Variants in VAX2 observed in about 807,000 individuals in gnomAD.
VAX2 encodes ventral anterior homeobox 2.
Under a neutral mutation model 12.5 loss-of-function variants are expected in VAX2, and 8 were observed. The ratio of observed to expected loss-of-function variants is 0.64; its 90% CI spans 0.37 to 1.15. The LOEUF (loss-of-function observed/expected upper bound fraction) is 1.15, where lower values mean the gene tolerates loss of function less well. Ranked by LOEUF, VAX2 falls within the 50% of genes most tolerant of loss-of-function variation. VAX2 has a pLI of 0.01. For synonymous variants in VAX2, 183 were observed against 187.6 expected, an observed-to-expected ratio of 0.98 and a Z score of 0.20; for missense variants, 476 against 412.9, an observed-to-expected ratio of 1.15 and a Z score of -1.32.
chr2:70,929,315 C>T (rs543468477), intron 2 of VAX2, among the ~76,000 whole-genome samples: 16 of 152,364 alleles, frequency 1.1e-4, no homozygotes, highest in African/African-American at 3.8e-4. Context: ...CAGTGCCCCC[C>T]AGAGTATGGC....
Position 70,900,765 on chromosome 2 carries a change from G to A in VAX2, c.144G>A (p.Gly48=). Residue 48 remains glycine (G), a synonymous_variant, in exon 1 of 3, where the codon GGG becomes GGA. Coordinates refer to ENST00000234392, the MANE Select transcript of VAX2 (RefSeq NM_012476.3). The part of the protein sequence containing the change: ...GGGHSPTEVA[G]TSASSPAGSR... ...GCCACAGCCCAACGGAGGTGGCCGG[G>A]ACCTCAGCCTCCAGTCCCGCAGGCT... 6.7e-7 allele frequency: 1 copy of A among 1,493,434 alleles called. No homozygotes were observed. The highest frequency in any genetic ancestry group is 8.9e-7 in the Non-Finnish European group (1 of 1,121,728). The allele number at this position is 1,493,434 out of a possible 1,614,324, so 92.5% of individuals were successfully genotyped here.
At chr2:70,915,450 G>A (rs782204887) in intron 1 of VAX2, among the ~76,000 whole-genome samples, 4 of 151,054 alleles carry the variant, frequency 2.6e-5, no homozygotes, top group Non-Finnish European at 5.9e-5. Context: ...GGCTGGTCTC[G>A]AACTCCTGAC....
intron 2 of VAX2, among the ~76,000 whole-genome samples, chr2:70,929,284 T>C (rs1679638854): frequency 6.6e-6 from 1 of 152,248 alleles, no homozygotes; most frequent in Non-Finnish European, 1.5e-5. Flanking sequence ...CTTTCTGCTA[T>C]CCTGCCACCT....
intron 2 of VAX2, among the ~76,000 whole-genome samples, chr2:70,922,185 T>C (rs1553412950): frequency 6.6e-6 from 1 of 152,218 alleles, no homozygotes; most frequent in Non-Finnish European, 1.5e-5. Flanking sequence ...CAGAGACCCT[T>C]CTTTCAGCCA....
chr2:70,922,338 C>T (rs1393369679), intron 2 of VAX2, among the ~76,000 whole-genome samples: 1 of 151,898 alleles, frequency 6.6e-6, no homozygotes, highest in African/African-American at 2.4e-5. Flanking sequence ...GTGCTGGTTT[C>T]CTTCCTTGGA....
intron 1 of VAX2, among the ~76,000 whole-genome samples, chr2:70,905,765 C>T (rs1301658754): frequency 6.6e-6 from 1 of 152,186 alleles, no homozygotes; most frequent in Admixed American, 6.5e-5. Context: ...GAAGCCCGGA[C>T]AAGGAGTGGG....
At chr2:70,912,913 G>A (rs1404404589) in intron 1 of VAX2, among the ~76,000 whole-genome samples, 1 of 146,152 alleles carries the variant, frequency 6.8e-6, no homozygotes, top group African/African-American at 2.8e-5. Context: ...GAGGAGACTT[G>A]AGGGGTAGCA....
intron 2 of VAX2, among the ~76,000 whole-genome samples, chr2:70,931,471 G>A (rs781995429): frequency 4.6e-5 from 7 of 152,180 alleles, no homozygotes; most frequent in Non-Finnish European, 7.3e-5. Context: ...GTTAGAAAGA[G>A]CTCCCTCCAA....
intron 2 of VAX2, among the ~76,000 whole-genome samples, chr2:70,932,224 C>T (rs947542350): frequency 3.9e-5 from 6 of 152,070 alleles, no homozygotes; most frequent in Non-Finnish European, 8.8e-5. Flanking sequence ...GAAGAGGGAG[C>T]GTGGGAAGCC....
intron 1 of VAX2, among the ~76,000 whole-genome samples, chr2:70,920,268 T>C (rs1397968137): frequency 1.3e-5 from 2 of 152,242 alleles, no homozygotes; most frequent in African/African-American, 4.8e-5. Flanking sequence ...CATCAGTATA[T>C]GTGGGTCACA....
intron 1 of VAX2, among the ~76,000 whole-genome samples, chr2:70,910,794 AC>A (rs1679164875): frequency 1.6e-5 from 2 of 128,826 alleles, no homozygotes; most frequent in Admixed American, 7.5e-5. Context: ...AAAAAAAAAA[AC>A]AAAACAAAAC....
chr2:70,923,132 G>A lies in VAX2; in HGVS notation c.435+1847G>A, dbSNP rs192341213. ...TATTTATAGGCCATGGCTCCTCGTC[G>A]TGCTTCACAAGGAGCCCAGAACACA... On this transcript the variant is annotated intron_variant, in intron 2 of 2. Transcript: ENST00000234392. Among the ~76,000 whole-genome samples, 4 of 152,196 alleles carry A rather than the reference G, an allele frequency of 2.6e-5. No homozygotes were observed. In the East Asian group the frequency reaches 5.8e-4, roughly 22 times the overall value.
intron 2 of VAX2, among the ~76,000 whole-genome samples, chr2:70,924,563 T>C (rs1369699248): frequency 2.0e-5 from 3 of 152,086 alleles, no homozygotes; most frequent in Non-Finnish European, 4.4e-5. Flanking sequence ...AATAGATAAC[T>C]TGCTCAAGAC....
chr2:70,918,458 A>G (rs1679354979), intron 1 of VAX2, among the ~76,000 whole-genome samples: 1 of 152,196 alleles, frequency 6.6e-6, no homozygotes, highest in African/African-American at 2.4e-5. Context: ...GTGGATCACA[A>G]GGAGCCTCCT....
chr2:70,905,472 A>G (rs929468478), intron 1 of VAX2, among the ~76,000 whole-genome samples: 8 of 144,816 alleles, frequency 5.5e-5, no homozygotes, highest in African/African-American at 1.5e-4. Flanking sequence ...CCCCCCTTCC[A>G]TAACCCTTAC....
chr2:70,933,044 C>A lies in VAX2; in HGVS notation c.713C>A (p.Ser238Tyr), dbSNP rs555134830. 1.9e-6 allele frequency: 3 copies of A among 1,594,206 alleles called. No homozygotes were observed. The highest frequency in any genetic ancestry group is 1.1e-5 in the South Asian group (1 of 88,080). The stretch of plus-strand genomic sequence containing the variant: ...AACCCGCTGTCCTCGGCCTCAGCGT[C>A]CCCCCCACTGCCGCCCCCTCTGCCA... The part of the protein sequence containing the change: ...RLNPLSSASA[S>Y]PPLPPPLPAV... The change falls in exon 3 of 3, where the codon TCC (serine) becomes TAC (tyrosine). Residue 238 changes from serine (S) to tyrosine (Y), a missense_variant. Ser to Tyr is a moderately radical substitution (Grantham distance 144, BLOSUM62 -2). Coordinates refer to ENST00000234392, the MANE Select transcript of VAX2 (RefSeq NM_012476.3).
In VAX2 at chr2:70,900,601, G is replaced by C. The variant is rs1263153092; in HGVS notation, c.-21G>C. ...AGCGTAGGCTGGCTCCGCCGTAGAG[G>C]GGTTGGCAGTGGCGGTCAGCATGGG... On this transcript the variant is annotated 5_prime_UTR_variant, in exon 1 of 3. Transcript: ENST00000234392. 8.0e-7 allele frequency: 1 copy of C among 1,254,640 alleles called. No homozygotes were observed. The highest frequency in any genetic ancestry group is 1.0e-6 in the Non-Finnish European group (1 of 999,918). 77.7% of individuals were successfully genotyped at this position (1,254,640 alleles called of 1,614,324 possible). A position where few individuals can be genotyped will look rare whatever the true frequency, so the allele number is the denominator to read the frequency against.
At chr2:70,921,060 C>A in intron 1 of VAX2, 38 bp from the exon 2 acceptor site, 1 of 1,509,946 alleles carries the variant, frequency 6.6e-7, no homozygotes, top group Non-Finnish European at 8.9e-7. Flanking sequence ...AACTCCCTAG[C>A]TAATGAACTA....
At chr2:70,932,637 A>AGCC in intron 2 of VAX2, 130 bp from the exon 3 acceptor site, 1 of 144,554 alleles carries the variant, frequency 6.9e-6, no homozygotes, top group Non-Finnish European at 1.5e-5. Flanking sequence ...CCACCCTCAC[A>AGCC]CCCCACCCCC....
Sources: gnomAD v4.1 joint callset for allele counts (sites outside exome capture counted in the v4.1 genomes callset) on GRCh38, gnomAD v4.1.1 for gene constraint, MANE v1.5 for transcripts, NCBI Gene and HGNC (gene_info 2026-07-23, HGNC 2026-07-21) for gene names.